GABRB2: variants seen among roughly 807,000 people sequenced by gnomAD.
GABRB2 encodes the protein gamma-aminobutyric acid type A receptor subunit beta2, also known as gamma-aminobutyric acid receptor subunit beta-2.
Under a neutral mutation model 54.7 loss-of-function variants are expected in GABRB2, and 16 were observed. The ratio of observed to expected loss-of-function variants is 0.29; its 90% CI spans 0.20 to 0.44. The LOEUF (loss-of-function observed/expected upper bound fraction) is 0.44. Among genes scored for constraint, GABRB2 ranks in the 20% least tolerant of loss-of-function variants. The pLI is 1.00. For missense variants in GABRB2, 355 were observed against 644.0 expected (o/e 0.55, Z 4.86); for synonymous variants, 244 against 233.8 (o/e 1.04, Z -0.40).
chr5:161,370,930 C>T (rs1230049619), intron 5 of GABRB2, among the ~76,000 whole-genome samples: 2 of 152,146 alleles, frequency 1.3e-5, no homozygotes, highest in African/African-American at 4.8e-5. Flanking sequence ...ATAAATTTCC[C>T]AGAGAGCAAG....
chr5:161,332,826 T>A (rs539243168), intron 7 of GABRB2, among the ~76,000 whole-genome samples: 1 of 152,238 alleles, frequency 6.6e-6, no homozygotes, highest in South Asian at 2.1e-4. Context: ...GTTTTTATAC[T>A]CCACCAAGAA....
At chr5:161,465,460 A>T (rs1162707519) in intron 3 of GABRB2, among the ~76,000 whole-genome samples, 1 of 152,092 alleles carries the variant, frequency 6.6e-6, no homozygotes, top group East Asian at 1.9e-4. Flanking sequence ...TCCTCTGCTG[A>T]CCTTATATTC....
intron 4 of GABRB2, among the ~76,000 whole-genome samples, chr5:161,425,420 A>T (rs770862965): frequency 1.2e-4 from 19 of 152,102 alleles, no homozygotes; most frequent in Non-Finnish European, 2.8e-4. Flanking sequence ...TGGTGAACAT[A>T]AACATCAAGG....
chr5:161,410,141 AGTTATTT>A (rs1756464514), intron 5 of GABRB2, among the ~76,000 whole-genome samples: 2 of 152,172 alleles, frequency 1.3e-5, no homozygotes, highest in Non-Finnish European at 2.9e-5. Context: ...GTCAACTTCC[AGTTATTT>A]AGTGGGATAA....
In GABRB2 at chr5:161,331,015, G is replaced by A. The variant is rs79319310; in HGVS notation, c.945C>T (p.Phe315=). The A allele has an allele frequency of 2.5e-6, 4 of 1,614,038 alleles. No homozygotes were observed. Among genetic ancestry groups the A allele is most frequent in the African/African-American group, 1.3e-5 (1 of 74,916 alleles). Reference sequence around the variant, plus strand: ...CATATTCCAGAAGGGCCATGAAAACGAAGACAAAGCACCCCATCAGGTACA... The same window carrying A: ...CATATTCCAGAAGGGCCATGAAAACAAAGACAAAGCACCCCATCAGGTACA... The part of the protein sequence containing the change: ...IDMYLMGCFV[F]VFMALLEYAL... The change falls in exon 8 of 10, where the codon TTC becomes TTT. Residue 315 remains phenylalanine (F), a synonymous_variant. Transcript: ENST00000393959.
Position 161,479,688 on chromosome 5 carries a change from C to G in GABRB2, c.238-19844G>C, listed in dbSNP as rs1457397746. Among the ~76,000 whole-genome samples the G allele has an allele frequency of 9.4e-5, 14 of 149,200 alleles. No individual in the cohort carries two copies. In the Admixed American group the frequency reaches 9.5e-4, roughly 10 times the overall value. On this transcript the variant is annotated intron_variant, in intron 3 of 9. Transcript: ENST00000393959. ...CACAGCAACTTCCGCCTCCCAGTTT[C>G]AAGCAATTCTCCTGCTTCAGCCTCC...
At chr5:161,522,391 C>G (rs1364231372) in intron 3 of GABRB2, among the ~76,000 whole-genome samples, 2 of 151,754 alleles carry the variant, frequency 1.3e-5, no homozygotes, top group Non-Finnish European at 3.0e-5. Context: ...AGGATTATAC[C>G]TCTAAAGCAC....
intron 5 of GABRB2, among the ~76,000 whole-genome samples, chr5:161,351,598 A>G (rs1413179341): frequency 2.6e-5 from 4 of 152,122 alleles, no homozygotes; most frequent in Non-Finnish European, 5.9e-5. Context: ...TAAAACTACT[A>G]GAAGAAAACA....
chr5:161,376,411 A>G (rs989349), intron 5 of GABRB2, among the ~76,000 whole-genome samples: 151,039 of 152,228 alleles, frequency 0.99, 74,937 homozygotes, highest in African/African-American at 1. Flanking sequence ...AAATGCATAG[A>G]TAGCAAGGTC....
chr5:161,457,509 G>A lies in GABRB2; in HGVS notation c.458+2115C>T, dbSNP rs374800578. Among the ~76,000 whole-genome samples, 128 of 149,028 alleles carry A rather than the reference G, an allele frequency of 8.6e-4. 1 individual carries two copies. The South Asian group carries it at 0.025, about 30-fold the overall frequency. ...CACCCAGGCTGGAGTGCAGTGGCGC[G>A]ATCTCGGCTCACTACAAGCTCCGCC... On this transcript the variant is annotated intron_variant, in intron 4 of 9. Transcript: ENST00000393959.
At chr5:161,408,211 G>A (rs1756401834) in intron 5 of GABRB2, among the ~76,000 whole-genome samples, 1 of 151,926 alleles carries the variant, frequency 6.6e-6, no homozygotes, top group African/African-American at 2.4e-5. Flanking sequence ...ATGCTCACTG[G>A]AGCACTTCAG....
At chr5:161,353,348 A>G (rs1230689361) in intron 5 of GABRB2, among the ~76,000 whole-genome samples, 1 of 152,056 alleles carries the variant, frequency 6.6e-6, no homozygotes, top group Non-Finnish European at 1.5e-5. Flanking sequence ...TGGACAGAGT[A>G]GTAAAGGAAG....
At chr5:161,335,045 T>C in intron 6 of GABRB2, 141 bp from the exon 7 acceptor site, 1 of 758,748 alleles carries the variant, frequency 1.3e-6, no homozygotes, top group Non-Finnish European at 2.1e-6. Context: ...AAAAGTAGTC[T>C]GAGAGCCCTG....
intron 2 of GABRB2, among the ~76,000 whole-genome samples, chr5:161,545,694 A>G (rs965261821): frequency 6.6e-6 from 1 of 151,408 alleles, no homozygotes; most frequent in Non-Finnish European, 1.5e-5. Context: ...TTTGAGCTTC[A>G]TAAGAGTCTG....
chr5:161,491,790 G>A (rs902321717), intron 3 of GABRB2, among the ~76,000 whole-genome samples: 3 of 151,612 alleles, frequency 2.0e-5, no homozygotes, highest in Non-Finnish European at 4.4e-5. Context: ...AAGTAAAATG[G>A]CATTCTGAAT....
At chr5:161,458,358 A>G (rs1181622125) in intron 4 of GABRB2, among the ~76,000 whole-genome samples, 2 of 152,132 alleles carry the variant, frequency 1.3e-5, no homozygotes, top group African/African-American at 2.4e-5. Context: ...CAGTGCCTGT[A>G]TCTAACTCAT....
At chr5:161,411,540 TTAATA>T (rs1270502046) in intron 4 of GABRB2, among the ~76,000 whole-genome samples, 1 of 152,324 alleles carries the variant, frequency 6.6e-6, no homozygotes, top group South Asian at 2.1e-4. Flanking sequence ...TTGCAGTGCT[TTAATA>T]TAACACACAA....
chr5:161,369,340 G>T (rs1755064937), intron 5 of GABRB2, among the ~76,000 whole-genome samples: 2 of 152,116 alleles, frequency 1.3e-5, no homozygotes, highest in Non-Finnish European at 2.9e-5. Flanking sequence ...TATTTTAAAT[G>T]ACAGTTCTAT....
intron 3 of GABRB2, among the ~76,000 whole-genome samples, chr5:161,493,969 GATTCCACAATGTGTACAT>G (rs1250419312): frequency 5.3e-5 from 8 of 151,670 alleles, no homozygotes; most frequent in Admixed American, 4.6e-4. Context: ...TTGATTTAGT[GATTCCACAATGTGTACAT>G]ATTCCACAAT....
Sources: gnomAD v4.1 joint callset for allele counts (sites outside exome capture counted in the v4.1 genomes callset) on GRCh38, gnomAD v4.1.1 for gene constraint, MANE v1.5 for transcripts, NCBI Gene and HGNC (gene_info 2026-07-23, HGNC 2026-07-21) for gene names.